Variants in GRIP1 observed in about 807,000 individuals in gnomAD.
GRIP1 encodes glutamate receptor-interacting protein 1.
In GRIP1, 45 loss-of-function variants were observed where a neutral mutation model predicts 129.9. The observed-to-expected ratio is 0.35, with a 90% confidence interval of 0.27 to 0.44. GRIP1 has a LOEUF of 0.44. Among genes scored for constraint, GRIP1 ranks in the 20% least tolerant of loss-of-function variants. The pLI is 1.00. For synonymous variants in GRIP1, 530 were observed against 520.8 expected, an observed-to-expected ratio of 1.02 and a Z score of -0.24; for missense variants, 1,196 against 1,396.8, an observed-to-expected ratio of 0.86 and a Z score of 2.29.
At chr12:66,497,160 C>T (rs541885211) in intron 7 of GRIP1, among the ~76,000 whole-genome samples, 4 of 152,270 alleles carry the variant, frequency 2.6e-5, no homozygotes, top group East Asian at 3.9e-4. Context: ...CCTGTTTCCC[C>T]GTCCCTGCCC....
chr12:66,472,179 G>T (rs971734522), intron 7 of GRIP1, among the ~76,000 whole-genome samples: 5 of 152,162 alleles, frequency 3.3e-5, no homozygotes, highest in African/African-American at 9.7e-5. Flanking sequence ...ATAGTCCCAT[G>T]GAAGTGGACT....
intron 1 of GRIP1, among the ~76,000 whole-genome samples, chr12:66,791,199 G>A (rs2038522355): frequency 6.6e-6 from 1 of 152,160 alleles, no homozygotes; most frequent in Non-Finnish European, 1.5e-5. Flanking sequence ...AGGAAAGTAC[G>A]TGCTGCATAG....
At chr12:66,887,409 C>A (rs2040583620) in intron 1 of GRIP1, among the ~76,000 whole-genome samples, 1 of 152,172 alleles carries the variant, frequency 6.6e-6, no homozygotes. Context: ...ACCCACTTTA[C>A]AGGTTGTTAT....
chr12:66,423,983 G>T (rs955115140), intron 14 of GRIP1, among the ~76,000 whole-genome samples: 12 of 152,100 alleles, frequency 7.9e-5, no homozygotes, highest in African/African-American at 2.7e-4. Context: ...TGTGTTATAT[G>T]ATATATATTA....
chr12:66,668,317 AT>A (rs2033902709), intron 1 of GRIP1, among the ~76,000 whole-genome samples: 1 of 152,200 alleles, frequency 6.6e-6, no homozygotes, highest in Non-Finnish European at 1.5e-5. Flanking sequence ...AATAAACGAA[AT>A]TCATTTTTGA....
rs1260225100 is a variant in GRIP1, at chr12:66,432,630, T to C, written c.1688-2A>G. The C allele has an allele frequency of 6.4e-7, 1 of 1,569,668 alleles. No individual in the cohort carries two copies. Among genetic ancestry groups the C allele is most frequent in the Admixed American group, 1.7e-5 (1 of 59,854 alleles). ...TTCCACTACTTGGGATGACAGACTC[T>C]AATATCAAAACAAAAAAGAATGTGT... On this transcript the variant is annotated splice_acceptor_variant, in intron 13 of 24. Coordinates refer to ENST00000359742, the MANE Select transcript of GRIP1 (RefSeq NM_001366722.1). LOFTEE classifies it high-confidence loss of function.
chr12:66,551,653 A>C (rs1436153988), intron 2 of GRIP1, among the ~76,000 whole-genome samples: 1 of 146,696 alleles, frequency 6.8e-6, no homozygotes, highest in Non-Finnish European at 1.5e-5. Flanking sequence ...TGCTTACTAC[A>C]GTCTTAACTT....
chr12:66,701,077 T>C (rs1293454022), intron 1 of GRIP1, among the ~76,000 whole-genome samples: 1 of 152,056 alleles, frequency 6.6e-6, no homozygotes, highest in East Asian at 1.9e-4. Flanking sequence ...GAAGATTGGG[T>C]TGGAATTCAT....
Position 66,406,407 on chromosome 12 carries a change from C to T in GRIP1, c.1860G>A (p.Gly620=). 3 of 1,614,020 alleles carry T rather than the reference C, an allele frequency of 1.9e-6. No individual in the cohort carries two copies. The highest frequency in any genetic ancestry group is 8.5e-7 in the Non-Finnish European group (1 of 1,179,956). Residue 620 remains glycine (G), a synonymous_variant, in exon 16 of 25, where the codon GGG becomes GGA. Coordinates refer to ENST00000359742, the MANE Select transcript of GRIP1 (RefSeq NM_001366722.1). The stretch of plus-strand genomic sequence containing the variant: ...TATTATCTATTGCGAGCAATTTATC[C>T]CCAAGTTCCAGGGTCCCAGTTCTGT... ...VAHRTGTLEL[G]DKLLAIDNIR... is the part of the protein sequence containing the mutation.
At chr12:67,067,218 A>C (rs2043645214) in intron 1 of GRIP1, among the ~76,000 whole-genome samples, 1 of 152,186 alleles carries the variant, frequency 6.6e-6, no homozygotes, top group African/African-American at 2.4e-5. Context: ...TCTTATCTCC[A>C]CCAAGCAGAT....
chr12:66,805,030 GC>G (rs1422812703), upstream of GRIP1, among the ~76,000 whole-genome samples: 1 of 152,098 alleles, frequency 6.6e-6, no homozygotes, highest in Non-Finnish European at 1.5e-5. Flanking sequence ...CTTCTCATAG[GC>G]TTAGTAACAG....
chr12:66,989,848 A>T (rs1299270477), intron 1 of GRIP1, among the ~76,000 whole-genome samples: 1 of 152,200 alleles, frequency 6.6e-6, no homozygotes, highest in Non-Finnish European at 1.5e-5. Flanking sequence ...AAATAAATAC[A>T]ATCAGCTCTA....
In GRIP1 at chr12:66,598,592, G is replaced by T. The variant is rs145044029; in HGVS notation, c.56-1665C>A. 6.8e-3 allele frequency among the ~76,000 whole-genome samples: 1,028 copies of T among 152,292 alleles called. 5 individuals carry two copies. Among genetic ancestry groups the T allele is most frequent in the Middle Eastern group, 0.037 (11 of 294 alleles). On this transcript the variant is annotated intron_variant, in intron 1 of 24. Transcript: ENST00000359742. The stretch of plus-strand genomic sequence containing the variant: ...CCTCACCATTGTCACTTGAATATTT[G>T]AGCGCTTTTCTCACAGTGTTAATAA...
chr12:67,025,447 C>G (rs964111632), intron 1 of GRIP1, among the ~76,000 whole-genome samples: 12 of 152,042 alleles, frequency 7.9e-5, no homozygotes, highest in African/African-American at 2.9e-4. Flanking sequence ...TTATTAAAAA[C>G]TAAGAAAACA....
intron 1 of GRIP1, among the ~76,000 whole-genome samples, chr12:67,033,288 T>C (rs1478795094): frequency 2.0e-5 from 3 of 150,260 alleles, no homozygotes; most frequent in South Asian, 2.1e-4. Flanking sequence ...TATATATATA[T>C]ATATAAAGAC....
chr12:66,667,007 A>G (rs1321278909), intron 1 of GRIP1, among the ~76,000 whole-genome samples: 1 of 152,022 alleles, frequency 6.6e-6, no homozygotes, highest in Non-Finnish European at 1.5e-5. Flanking sequence ...ATGTCCTGGA[A>G]GAGGATTTGT....
At chr12:66,793,868 T>A (rs1190271268) in intron 1 of GRIP1, among the ~76,000 whole-genome samples, 13 of 152,176 alleles carry the variant, frequency 8.5e-5, no homozygotes, top group Non-Finnish European at 1.5e-5. Flanking sequence ...TGGCTCAAGT[T>A]TTATCTGGAA....
intron 1 of GRIP1, among the ~76,000 whole-genome samples, chr12:66,834,935 AAG>A (rs1491461236): frequency 3.8e-5 from 5 of 130,872 alleles, no homozygotes; most frequent in African/African-American, 8.8e-5. Flanking sequence ...TTAAAAAAAA[AAG>A]GGGGGGGGGC....
chr12:66,965,549 T>TTGTGTGTGTGTGTGTGTGTGTGTG (rs368637185), intron 1 of GRIP1, among the ~76,000 whole-genome samples: 5 of 128,252 alleles, frequency 3.9e-5, no homozygotes, highest in Non-Finnish European at 6.4e-5. Flanking sequence ...AAAAGAAACA[T>TTGTGTGTGTGTGTGTGTGTGTGTG]TGTGTGTGTG....
Sources: gnomAD v4.1 joint callset for allele counts (sites outside exome capture counted in the v4.1 genomes callset) on GRCh38, gnomAD v4.1.1 for gene constraint, MANE v1.5 for transcripts, NCBI Gene and HGNC (gene_info 2026-07-23, HGNC 2026-07-21) for gene names.